The following GIT1 variants were observed in gnomAD, a reference collection of about 807,000 sequenced individuals.
GIT1 encodes the protein GIT ArfGAP 1, also known as ARF GTPase-activating protein GIT1.
GIT1 carries 14 observed loss-of-function variants against 91.7 expected under a neutral mutation model. That is an observed-to-expected ratio of 0.15 (90% CI 0.10 to 0.24). GIT1 has a LOEUF of 0.24. Ranked by LOEUF, GIT1 falls within the 10% of genes least tolerant of loss-of-function variation. GIT1 has a pLI of 1.00. For synonymous variants in GIT1, 414 were observed against 418.2 expected, an observed-to-expected ratio of 0.99 and a Z score of 0.12; for missense variants, 717 against 1,024.9, an observed-to-expected ratio of 0.70 and a Z score of 4.10.
In GIT1 at chr17:29,574,518, C is replaced by A; in HGVS notation, c.*184G>T. 1.5e-6 allele frequency: 1 copy of A among 651,738 alleles called. No homozygotes were observed. 40.4% of individuals were successfully genotyped at this position (651,738 alleles called of 1,614,324 possible). A position where few individuals can be genotyped will look rare whatever the true frequency, so the allele number is the denominator to read the frequency against. On this transcript the variant is annotated 3_prime_UTR_variant, in exon 20 of 20. Coordinates refer to ENST00000225394, the MANE Select transcript of GIT1 (RefSeq NM_014030.4). Reference sequence around the variant, plus strand: ...GTGGGGGACAGAAGCTCCTGCCCCCCCACCTCCCCATCCTTAGGGGCTCGA... The same window carrying A: ...GTGGGGGACAGAAGCTCCTGCCCCCACACCTCCCCATCCTTAGGGGCTCGA...
At chr17:29,578,245 C>T (rs2033280375) in intron 9 of GIT1, 54 bp downstream of exon 9, 2 of 1,422,612 alleles carry the variant, frequency 1.4e-6, no homozygotes, top group African/African-American at 1.4e-5. Context: ...ACCAGAGACC[C>T]ATGCCTGGGC....
At position 29,577,636 on chromosome 17, in the gene GIT1, C is replaced by T; in HGVS notation, c.981+9G>A. The T allele has an allele frequency of 2.5e-6, 4 of 1,571,556 alleles. No individual in the cohort carries two copies. The highest frequency in any genetic ancestry group is 3.5e-6 in the Non-Finnish European group (4 of 1,141,490). On this transcript the variant is annotated intron_variant, in intron 10 of 19. Transcript: ENST00000225394. ...AGACCACCCCAGGCCCCCAATCCAG[C>T]CCCCTCACCTGATTCCGCGTGGCTG...
Position 29,577,089 on chromosome 17 carries a change from C to T in GIT1, c.1093+47G>A, listed in dbSNP as rs756892703. On this transcript the variant is annotated intron_variant, in intron 11 of 19. Transcript: ENST00000225394. ...CAGGGAGAGCCATGCAGGAAAGACCCCTGGAGCCCCGCCTGCTTCCCACAC... is the reference window on the plus strand; with the variant it reads ...CAGGGAGAGCCATGCAGGAAAGACCTCTGGAGCCCCGCCTGCTTCCCACAC... The T allele has an allele frequency of 2.5e-6, 4 of 1,607,148 alleles. No individual in the cohort carries two copies. The Admixed American group carries it at 6.7e-5, about 27-fold the overall frequency.
Position 29,575,996 on chromosome 17 carries a change from G to A in GIT1, c.1665+82C>T. Reference sequence around the variant, plus strand: ...GACCAGGTCAGTCTAATCATCTTAAGCCCCGAATTCAGCACAGAGCCCAGA... The same window carrying A: ...GACCAGGTCAGTCTAATCATCTTAAACCCCGAATTCAGCACAGAGCCCAGA... On this transcript the variant is annotated intron_variant, in intron 15 of 19. Transcript: ENST00000225394. The surrounding 1 kb of genome is among the most constrained non-coding windows in gnomAD (Gnocchi z 5.5). 1 of 1,553,998 alleles carries A rather than the reference G, an allele frequency of 6.4e-7. No individual in the cohort carries two copies. Among genetic ancestry groups the A allele is most frequent in the Non-Finnish European group, 8.9e-7 (1 of 1,126,576 alleles).
At position 29,581,847 on chromosome 17, in the gene GIT1, G is replaced by A; in HGVS notation, c.624-11C>T. The A allele has an allele frequency of 1.9e-6, 3 of 1,611,962 alleles. No individual in the cohort carries two copies. Among genetic ancestry groups the A allele is most frequent in the Non-Finnish European group, 2.5e-6 (3 of 1,179,354 alleles). On this transcript the variant is annotated splice_polypyrimidine_tract_variant and intron_variant, in intron 5 of 19. Transcript: ENST00000225394. The surrounding 1 kb of genome is among the most constrained non-coding windows in gnomAD (Gnocchi z 4.8). ...TGGTGCCCCGCCTGCCTGTGAGGAG[G>A]GGGTATGGCTCAGACCTGCAGCAGC...
At position 29,588,802 on chromosome 17, in the gene GIT1, C is replaced by A. The variant is rs1269883291; in HGVS notation, c.52+525G>T. ...GGGAGTCCTGGGAGTAGCCACCGCT[C>A]ATCTGCTCCTGAGGAGACGGTATTC... On this transcript the variant is annotated intron_variant, in intron 1 of 19. Coordinates refer to ENST00000225394, the MANE Select transcript of GIT1 (RefSeq NM_014030.4). Among the ~76,000 whole-genome samples the A allele has an allele frequency of 2.0e-5, 3 of 152,334 alleles. No individual in the cohort carries two copies. The East Asian group carries it at 5.8e-4, about 29-fold the overall frequency.
chr17:29,574,929 A>G lies in GIT1; in HGVS notation c.2074-15T>C. 1 of 1,550,556 alleles carries G rather than the reference A, an allele frequency of 6.4e-7. No individual in the cohort carries two copies. The highest frequency in any genetic ancestry group is 8.7e-7 in the Non-Finnish European group (1 of 1,147,010). On this transcript the variant is annotated splice_polypyrimidine_tract_variant and intron_variant, in intron 19 of 19. Coordinates refer to ENST00000225394, the MANE Select transcript of GIT1 (RefSeq NM_014030.4). Reference sequence around the variant, plus strand: ...AGGGCTGGCCTCTGGAGGGGGCAGGAGTGAGGCTGGACCTTGGACTTTAAG... The same window carrying G: ...AGGGCTGGCCTCTGGAGGGGGCAGGGGTGAGGCTGGACCTTGGACTTTAAG...
rs185471169 is a variant in GIT1, at chr17:29,582,345, G to T, written c.406-201C>A. Among the ~76,000 whole-genome samples, 58 of 152,368 alleles carry T rather than the reference G, an allele frequency of 3.8e-4. No homozygotes were observed. In the East Asian group the frequency reaches 5.2e-3, roughly 14 times the overall value. ...GCTGCCGTCAGTCACCATCTACCAC[G>T]TGTGCTGTGTGCCCTGCTTAGATAC... On this transcript the variant is annotated intron_variant, in intron 4 of 19. Transcript: ENST00000225394.
At chr17:29,579,537 G>A (rs1403575633) in intron 7 of GIT1, among the ~76,000 whole-genome samples, 2 of 152,138 alleles carry the variant, frequency 1.3e-5, no homozygotes, top group African/African-American at 4.8e-5. Context: ...CTTGAGGCCA[G>A]GAGGTGGAGA....
rs748436918 is a variant in GIT1, at chr17:29,575,944, C to T, written c.1666-46G>A. The T allele has an allele frequency of 1.9e-6, 3 of 1,549,260 alleles. No homozygotes were observed. In the East Asian group the frequency reaches 6.8e-5, roughly 35 times the overall value. On this transcript the variant is annotated intron_variant, in intron 15 of 19. Transcript: ENST00000225394. The surrounding 1 kb of genome is among the most constrained non-coding windows in gnomAD (Gnocchi z 5.5). Reference sequence around the variant, plus strand: ...GGATGGAGTCAGTGTGCCCCACTGCCCCCCTGCTCACCAGCAGTGCAGCAG... The same window carrying T: ...GGATGGAGTCAGTGTGCCCCACTGCTCCCCTGCTCACCAGCAGTGCAGCAG...
rs147244911 is a variant in GIT1 at position 29,583,519 on chromosome 17, G to A, written c.150C>T (p.His50=). ...TGGGAGGCCAGGCGCTGTGGCGAAGGTGCTTGACAATGGAGATGTGGCGTC... is the reference window on the plus strand; with the variant it reads ...TGGGAGGCCAGGCGCTGTGGCGAAGATGCTTGACAATGGAGATGTGGCGTC... ...SLGRHISIVK[H]LRHSAWPPTL... is the part of the protein sequence containing the mutation. The change falls in exon 2 of 20, where the codon CAC becomes CAT. Residue 50 remains histidine, a synonymous_variant. Coordinates refer to ENST00000225394, the MANE Select transcript of GIT1 (RefSeq NM_014030.4). The A allele has an allele frequency of 5.9e-4, 959 of 1,612,588 alleles. 1 individual carries two copies. Among genetic ancestry groups the A allele is most frequent in the Middle Eastern group, 2.3e-3 (14 of 6,062 alleles).
chr17:29,581,970 C>A lies in GIT1; in HGVS notation c.580G>T (p.Gly194Cys), dbSNP rs1262477085. ...ELLVVYGADPGSPDVNGRTPI... is the reference protein window; with the variant it reads ...ELLVVYGADPCSPDVNGRTPI... Reference sequence around the variant, plus strand: ...GTGCGGCCATTAACATCAGGGGAGCCAGGGTCAGCCCCATACACTACAAGC... The same window carrying A: ...GTGCGGCCATTAACATCAGGGGAGCAAGGGTCAGCCCCATACACTACAAGC... The change falls in exon 5 of 20, where the codon GGC becomes TGC. Residue 194 changes from glycine (G) to cysteine (C), a missense_variant. This residue lies in a region of GIT1 where 271 missense variants were observed against 451.6 expected (regional missense o/e 0.60). Coordinates refer to ENST00000225394, the MANE Select transcript of GIT1 (RefSeq NM_014030.4). The surrounding 1 kb of genome is among the most constrained non-coding windows in gnomAD (Gnocchi z 4.8). 1 of 1,612,944 alleles carries A rather than the reference C, an allele frequency of 6.2e-7. No homozygotes were observed. The highest frequency in any genetic ancestry group is 8.5e-7 in the Non-Finnish European group (1 of 1,180,032).
intron 7 of GIT1, chr17:29,579,217 G>T (rs1173899450): frequency 1.7e-6 from 1 of 574,550 alleles, no homozygotes; most frequent in Non-Finnish European, 3.1e-6. Flanking sequence ...CCACCTGGCA[G>T]TCACCTGAAG....
At chr17:29,588,161 G>A (rs763435200) in intron 1 of GIT1, among the ~76,000 whole-genome samples, 9 of 152,206 alleles carry the variant, frequency 5.9e-5, no homozygotes, top group Non-Finnish European at 1.2e-4. Context: ...TCAAGGGGTG[G>A]CTGAAAGTTA....
Position 29,576,275 on chromosome 17 carries a change from A to G in GIT1, c.1556T>C (p.Phe519Ser), listed in dbSNP as rs757867944. The change falls in exon 14 of 20, where the codon TTT (phenylalanine) becomes TCT (serine). Residue 519 changes from phenylalanine to serine, a missense_variant. Phe to Ser is a radical substitution (Grantham distance 155). Coordinates refer to ENST00000225394, the MANE Select transcript of GIT1 (RefSeq NM_014030.4). Reference sequence around the variant, plus strand: ...GAGCTCGTCCCCAGGGGGGCCCCCAAAGGGCTTCAGGGCAGAGCCAGGTTC... The same window carrying G: ...GAGCTCGTCCCCAGGGGGGCCCCCAGAGGGCTTCAGGGCAGAGCCAGGTTC... ...MYEPGSALKP[F>S]GGPPGDELTT... The G allele has an allele frequency of 1.6e-5, 26 of 1,611,474 alleles. No homozygotes were observed. Among genetic ancestry groups the G allele is most frequent in the Non-Finnish European group, 2.0e-5 (23 of 1,178,854 alleles).
In GIT1 at chr17:29,581,711, C is replaced by A; in HGVS notation, c.718+31G>T. ...CCTGCCCAGCCCCAGCCAGGCCTGT[C>A]ACAGCCAGGCGCCCCCCAAGCTCTG... On this transcript the variant is annotated intron_variant, in intron 6 of 19. Coordinates refer to ENST00000225394, the MANE Select transcript of GIT1 (RefSeq NM_014030.4). The surrounding 1 kb of genome is among the most constrained non-coding windows in gnomAD (Gnocchi z 4.8). 1 of 1,575,482 alleles carries A rather than the reference C, an allele frequency of 6.3e-7. No homozygotes were observed. The highest frequency in any genetic ancestry group is 1.1e-5 in the South Asian group (1 of 90,204).
rs2033446646 is a variant in GIT1 at position 29,582,736 on chromosome 17, G to A, written c.367C>T (p.Arg123Trp). Residue 123 changes from arginine to tryptophan, a missense_variant, in exon 4 of 20, where the codon CGG becomes TGG. Arg to Trp is a moderately radical substitution (Grantham distance 101). Coordinates refer to ENST00000225394, the MANE Select transcript of GIT1 (RefSeq NM_014030.4). ...MLAFVHKLPC[R>W]DDDGVTAKDL... ...TTGGCGGTGACTCCATCATCGTCCC[G>A]GCAGGGAAGCTTGTGCACAAATGCC... 2.5e-6 allele frequency: 4 copies of A among 1,613,588 alleles called. No individual in the cohort carries two copies. Among genetic ancestry groups the A allele is most frequent in the Non-Finnish European group, 3.4e-6 (4 of 1,179,878 alleles).
chr17:29,578,861 A>G (rs1426594897), intron 7 of GIT1, 82 bp from the exon 8 acceptor site: 2 of 1,561,552 alleles, frequency 1.3e-6, no homozygotes, highest in African/African-American at 2.7e-5. Context: ...CCTCCCCAAC[A>G]TGCAGGGATC....
In GIT1 at chr17:29,582,681, T is replaced by A; in HGVS notation, c.405+17A>T. On this transcript the variant is annotated intron_variant, in intron 4 of 19. Transcript: ENST00000225394. ...GAAGAGGAGGGGGCCACCCATCTGT[T>A]GTAGGGCCCCTCAAACCTTGCTGAG... 6.5e-7 allele frequency: 1 copy of A among 1,543,608 alleles called. No homozygotes were observed. The highest frequency in any genetic ancestry group is 9.0e-7 in the Non-Finnish European group (1 of 1,116,354).
Sources: allele counts gnomAD v4.1 joint callset (sites outside exome capture counted in the v4.1 genomes callset), GRCh38; gene constraint gnomAD v4.1.1; regional missense constraint gnomAD v4.1.1; non-coding constraint Gnocchi (gnomAD v3.1); transcripts MANE v1.5; gene names NCBI Gene and HGNC (gene_info 2026-07-23, HGNC 2026-07-21).